CNTNAP2: variants seen among roughly 807,000 people sequenced by gnomAD.
CNTNAP2 encodes contactin-associated protein-like 2.
In CNTNAP2, 98 loss-of-function variants were observed where a neutral mutation model predicts 155.2. The observed-to-expected ratio is 0.63, with a 90% CI of 0.54 to 0.75. The LOEUF (loss-of-function observed/expected upper bound fraction) is 0.75. Ranked by LOEUF, CNTNAP2 falls within the 30% of genes least tolerant of loss-of-function variation. CNTNAP2 has a pLI of 0.00. For missense variants in CNTNAP2, 1,727 were observed against 1,688.1 expected, an observed-to-expected ratio of 1.02 and a Z score of -0.40; for synonymous variants, 651 against 631.2, an observed-to-expected ratio of 1.03 and a Z score of -0.47.
At chr7:147,365,791 T>C (rs1226332655) in intron 9 of CNTNAP2, among the ~76,000 whole-genome samples, 2 of 152,226 alleles carry the variant, frequency 1.3e-5, no homozygotes, top group African/African-American at 2.4e-5. Flanking sequence ...CTGTTTCCCA[T>C]TGCTTCTAGA....
At chr7:147,384,945 AAAAG>A (rs1796601181) in intron 9 of CNTNAP2, among the ~76,000 whole-genome samples, 1 of 152,174 alleles carries the variant, frequency 6.6e-6, no homozygotes, top group Non-Finnish European at 1.5e-5. Context: ...AGCAATTTAC[AAAAG>A]AAAGAGGTTT....
intron 21 of CNTNAP2, among the ~76,000 whole-genome samples, chr7:148,279,311 C>T (rs192282718): frequency 7.2e-5 from 11 of 152,196 alleles, no homozygotes; most frequent in East Asian, 1.9e-4. Context: ...CGTGCACCAA[C>T]GCAACAGCAG....
At chr7:147,785,617 G>C (rs376641734) in intron 13 of CNTNAP2, among the ~76,000 whole-genome samples, 2 of 152,274 alleles carry the variant, frequency 1.3e-5, no homozygotes, top group Admixed American at 6.5e-5. Flanking sequence ...CTGGAAAAAA[G>C]TGTAATAACA....
At chr7:147,141,965 G>A (rs555648377) in intron 8 of CNTNAP2, among the ~76,000 whole-genome samples, 1 of 152,274 alleles carries the variant, frequency 6.6e-6, no homozygotes, top group African/African-American at 2.4e-5. Context: ...AGCTTAAGGA[G>A]ATTTTGGGCT....
intron 3 of CNTNAP2, among the ~76,000 whole-genome samples, chr7:146,985,418 T>C (rs1054781806): frequency 2.0e-5 from 3 of 149,572 alleles, no homozygotes; most frequent in Non-Finnish European, 4.4e-5. Flanking sequence ...CCTGGGTTCA[T>C]GCCATTCTCC....
At position 147,192,622 on chromosome 7, in the gene CNTNAP2, G is replaced by GA. The variant is rs1018923896; in HGVS notation, c.1348+60123dup. Reference sequence around the variant, plus strand: ...GCTCTAATATATTCTATCTTAAAGAGAAAAAAAAAATGGTACTGCAGCCCT... The same window carrying GA: ...GCTCTAATATATTCTATCTTAAAGAGAAAAAAAAAAATGGTACTGCAGCCCT... On this transcript the variant is annotated intron_variant, in intron 8 of 23. Transcript: ENST00000361727. Among the ~76,000 whole-genome samples, 101 of 148,114 alleles carry GA rather than the reference G, an allele frequency of 6.8e-4. No homozygotes were observed. The Middle Eastern group carries it at 0.01, about 15-fold the overall frequency.
At chr7:146,808,020 G>A (rs1361100524) in intron 2 of CNTNAP2, among the ~76,000 whole-genome samples, 3 of 152,034 alleles carry the variant, frequency 2.0e-5, no homozygotes, top group Non-Finnish European at 2.9e-5. Flanking sequence ...AGATGTCTTC[G>A]AAAATAGCAA....
At chr7:146,409,556 A>G (rs1014442186) in intron 1 of CNTNAP2, among the ~76,000 whole-genome samples, 2 of 152,196 alleles carry the variant, frequency 1.3e-5, no homozygotes, top group Non-Finnish European at 2.9e-5. Flanking sequence ...AGATATGTCA[A>G]TATGATAAAT....
chr7:147,720,132 G>T (rs1008649647), intron 13 of CNTNAP2, among the ~76,000 whole-genome samples: 5 of 151,980 alleles, frequency 3.3e-5, no homozygotes. Context: ...TTCCCAAAGC[G>T]AAGTGACACA....
chr7:147,629,673 G>A (rs932176229), intron 12 of CNTNAP2, among the ~76,000 whole-genome samples: 1 of 151,886 alleles, frequency 6.6e-6, no homozygotes, highest in Non-Finnish European at 1.5e-5. Flanking sequence ...AACTCCAAAA[G>A]GAACCCTCAA....
Position 146,774,321 on chromosome 7 carries a change from A to G in CNTNAP2, c.148A>G (p.Ser50Gly), listed in dbSNP as rs1252017920. ...VSGLPHVAFS[S>G]SSSISGSYSP... ...TGGACTCCCCCATGTGGCTTTCAGC[A>G]GCTCCTCCTCCATCTCTGGTAGCTA... The change falls in exon 2 of 24, where the codon AGC (serine) becomes GGC (glycine). Residue 50 changes from serine (S) to glycine (G), a missense_variant. Physicochemically the swap from Ser to Gly is moderately conservative, Grantham distance 56. Coordinates refer to ENST00000361727, the MANE Select transcript of CNTNAP2 (RefSeq NM_014141.6). 6.2e-7 allele frequency: 1 copy of G among 1,614,042 alleles called. No homozygotes were observed. The highest frequency in any genetic ancestry group is 8.5e-7 in the Non-Finnish European group (1 of 1,179,978).
chr7:147,458,496 A>G (rs7779225), intron 10 of CNTNAP2, among the ~76,000 whole-genome samples: 33,250 of 152,110 alleles, frequency 0.22, 4,184 homozygotes, highest in African/African-American at 0.34. Flanking sequence ...AAAATGAAGA[A>G]CTATCACTTA....
chr7:148,262,097 C>G (rs1490539161), intron 20 of CNTNAP2, among the ~76,000 whole-genome samples: 2 of 152,062 alleles, frequency 1.3e-5, no homozygotes, highest in Non-Finnish European at 2.9e-5. Flanking sequence ...GACGGGGTGG[C>G]TCTAAGAGTC....
At chr7:146,519,629 A>T (rs1386203446) in intron 1 of CNTNAP2, among the ~76,000 whole-genome samples, 1 of 151,872 alleles carries the variant, frequency 6.6e-6, no homozygotes, top group Non-Finnish European at 1.5e-5. Context: ...AGATTGTCTG[A>T]TGTTGACTTT....
In CNTNAP2 at chr7:146,968,001, T is replaced by G. The variant is rs186397330; in HGVS notation, c.403-75906T>G. ...TACGTCCCATCAATACCTAATTTAT[T>G]GAGAGTTTTTAGCATGAAGCGGTGT... On this transcript the variant is annotated intron_variant, in intron 3 of 23. Coordinates refer to ENST00000361727, the MANE Select transcript of CNTNAP2 (RefSeq NM_014141.6). Among the ~76,000 whole-genome samples, 304 of 142,746 alleles carry G rather than the reference T, an allele frequency of 2.1e-3. 11 individuals carry two copies. In the East Asian group the frequency reaches 0.03, roughly 14 times the overall value. The allele number at this position is 142,746 out of a possible 152,430, so 93.6% of individuals were successfully genotyped here.
At chr7:146,742,304 A>G (rs945040298) in intron 1 of CNTNAP2, among the ~76,000 whole-genome samples, 2 of 152,180 alleles carry the variant, frequency 1.3e-5, no homozygotes, top group African/African-American at 2.4e-5. Flanking sequence ...AGTCTTCTTT[A>G]GGAGTACTTT....
At chr7:147,125,861 A>T (rs1226813626) in intron 6 of CNTNAP2, among the ~76,000 whole-genome samples, 1 of 152,236 alleles carries the variant, frequency 6.6e-6, no homozygotes, top group Non-Finnish European at 1.5e-5. Flanking sequence ...CATTTAATGG[A>T]TGCACGTTTA....
chr7:147,818,014 C>T (rs1798302521), intron 13 of CNTNAP2, among the ~76,000 whole-genome samples: 1 of 151,384 alleles, frequency 6.6e-6, no homozygotes, highest in South Asian at 2.1e-4. Flanking sequence ...ATTATATCAT[C>T]TTTTCTGTAT....
At chr7:147,737,722 C>G (rs1400197808) in intron 13 of CNTNAP2, among the ~76,000 whole-genome samples, 1 of 152,188 alleles carries the variant, frequency 6.6e-6, no homozygotes, top group Non-Finnish European at 1.5e-5. Flanking sequence ...CAATGGCGGG[C>G]ACCCCTCCCC....
Sources: allele counts gnomAD v4.1 joint callset (sites outside exome capture counted in the v4.1 genomes callset), GRCh38; gene constraint gnomAD v4.1.1; transcripts MANE v1.5; gene names NCBI Gene and HGNC (gene_info 2026-07-23, HGNC 2026-07-21).